MYO5A: variants seen among roughly 807,000 people sequenced by gnomAD.
The protein encoded by MYO5A is unconventional myosin-Va.
In MYO5A, 98 loss-of-function variants were observed where a neutral mutation model predicts 249.7. The ratio of observed to expected loss-of-function variants is 0.39; its 90% confidence interval spans 0.33 to 0.46. The LOEUF is 0.46. MYO5A is among the 20% of genes least tolerant of loss of function. The probability of loss-of-function intolerance (pLI) is 0.98; values close to 1 mark genes in which losing one functional copy is unlikely to be tolerated. For synonymous variants in MYO5A, 778 were observed against 810.6 expected (o/e 0.96, Z 0.68); for missense variants, 1,696 against 2,308.8 (o/e 0.73, Z 5.44).
At chr15:52,513,746 C>A (rs2077443277) in intron 1 of MYO5A, among the ~76,000 whole-genome samples, 1 of 152,128 alleles carries the variant, frequency 6.6e-6, no homozygotes, top group South Asian at 2.1e-4. Context: ...TAAGTTAATT[C>A]TATAGCCAAT....
intron 31 of MYO5A, among the ~76,000 whole-genome samples, chr15:52,340,851 G>C (rs572131754): frequency 6.6e-6 from 1 of 152,014 alleles, no homozygotes; most frequent in Non-Finnish European, 1.5e-5. Flanking sequence ...AGGAGGCTGA[G>C]GCAGGAGAAC....
At position 52,379,706 on chromosome 15, in the gene MYO5A, G is replaced by C. The variant is rs753092034; in HGVS notation, c.2127C>G (p.Arg709=). 6.2e-7 allele frequency: 1 copy of C among 1,614,172 alleles called. No individual in the cohort carries two copies. The highest frequency in any genetic ancestry group is 8.5e-7 in the Non-Finnish European group (1 of 1,180,012). ...CTTTCTGCTTCATTAGGACACGGTA[G>C]CGGCTGAAAAATTCTTGGTAAGTCC... ...SRWTYQEFFS[R]YRVLMKQKDV... The change falls in exon 18 of 42, where the codon CGC becomes CGG. Residue 709 remains arginine, a synonymous_variant. Transcript: ENST00000399233.
At position 52,337,920 on chromosome 15, in the gene MYO5A, C is replaced by T. The variant is rs369198492; in HGVS notation, c.4240-36G>A. 143 of 1,415,508 alleles carry T rather than the reference C, an allele frequency of 1.0e-4. 4 individuals are homozygous for T. Among genetic ancestry groups the T allele is most frequent in the East Asian group, 6.7e-4 (27 of 40,154 alleles). 87.7% of individuals were successfully genotyped at this position (1,415,508 alleles called of 1,614,324 possible). Reference sequence around the variant, plus strand: ...AGGCACAATGGATATTTGTTTTTGTCTGTGTGTTTGAGGGAAATGCTATCT... The same window carrying T: ...AGGCACAATGGATATTTGTTTTTGTTTGTGTGTTTGAGGGAAATGCTATCT... On this transcript the variant is annotated intron_variant, in intron 32 of 41. Transcript: ENST00000399233.
At chr15:52,383,408 T>C (rs758204024) in intron 15 of MYO5A, among the ~76,000 whole-genome samples, 5 of 152,222 alleles carry the variant, frequency 3.3e-5, no homozygotes, top group Non-Finnish European at 5.9e-5. Context: ...CTCTGCTAAA[T>C]ATAGATTCCT....
rs1567036682 is a variant in MYO5A, at chr15:52,343,165, T to C, written c.3992A>G (p.Glu1331Gly). 1.2e-6 allele frequency: 2 copies of C among 1,613,850 alleles called. No individual in the cohort carries two copies. Among genetic ancestry groups the C allele is most frequent in the Non-Finnish European group, 1.7e-6 (2 of 1,179,838 alleles). The stretch of plus-strand genomic sequence containing the variant: ...ATAAACCAGCCACAGCTCTCCATCC[T>C]CATTCAACTCATGGTAATCCAGAGC... Reference protein sequence around the residue: ...SSALDYHELNEDGELWLVYEG... With the variant: ...SSALDYHELNGDGELWLVYEG... Residue 1331 changes from glutamate (E) to glycine (G), a missense_variant, in exon 31 of 42, where the codon GAG becomes GGG. Glu to Gly is a moderately conservative substitution (Grantham distance 98, BLOSUM62 -2). Transcript: ENST00000399233.
rs528344214 is a variant in MYO5A at position 52,403,384 on chromosome 15, G to A, written c.1053+1903C>T. On this transcript the variant is annotated intron_variant, in intron 9 of 41. Transcript: ENST00000399233. ...CCATATAATGGACTATTATTCAGCC[G>A]TAAAAAAGAATAAAGTATTGACACG... Among the ~76,000 whole-genome samples the A allele has an allele frequency of 1.1e-4, 16 of 152,244 alleles. 1 individual carries two copies. The South Asian group carries it at 1.5e-3, about 14-fold the overall frequency.
chr15:52,482,963 CAT>C (rs1441178461), intron 1 of MYO5A, among the ~76,000 whole-genome samples: 8 of 152,258 alleles, frequency 5.3e-5, no homozygotes, highest in African/African-American at 1.9e-4. Context: ...GCAGGGCACA[CAT>C]ATGAATACAG....
chr15:52,410,797 C>G (rs887954238), intron 5 of MYO5A, among the ~76,000 whole-genome samples: 10 of 151,994 alleles, frequency 6.6e-5, no homozygotes, highest in African/African-American at 2.2e-4. Flanking sequence ...AGGCTAGTCT[C>G]GAGCTCCTGA....
chr15:52,339,708 A>G (rs2039291451), intron 32 of MYO5A, among the ~76,000 whole-genome samples: 1 of 152,174 alleles, frequency 6.6e-6, no homozygotes, highest in South Asian at 2.1e-4. Context: ...TCCATCCAAC[A>G]TCAACCAAAA....
chr15:52,476,498 T>C (rs557471991), intron 1 of MYO5A, among the ~76,000 whole-genome samples: 4 of 152,238 alleles, frequency 2.6e-5, no homozygotes, highest in Non-Finnish European at 5.9e-5. Flanking sequence ...CGATGGTCTT[T>C]ACAATTTGGC....
intron 4 of MYO5A, among the ~76,000 whole-genome samples, chr15:52,425,347 GGTTTGTTTGTTT>G (rs111457486): frequency 6.6e-6 from 1 of 151,250 alleles, no homozygotes; most frequent in African/African-American, 2.4e-5. Flanking sequence ...AAATGTGAGG[GGTTTGTTTGTTT>G]GTTTGTTTGT....
At position 52,425,947 on chromosome 15, in the gene MYO5A, T is replaced by C. The variant is rs760727634; in HGVS notation, c.338A>G (p.Tyr113Cys). The part of the protein sequence containing the change: ...CGIVLVAINP[Y>C]EQLPIYGEDI... ...TTCTCCATAAATAGGCAGCTGTTCA[T>C]AGGGATTTATAGCTACTAGGACTAT... The change falls in exon 4 of 42, where the codon TAT becomes TGT. Residue 113 changes from tyrosine to cysteine, a missense_variant. By Grantham distance (194) the Tyr-to-Cys change is radical (BLOSUM62 -2). This residue lies in a region of MYO5A where 197 missense variants were observed against 320.3 expected (regional missense o/e 0.62). Coordinates refer to ENST00000399233, the MANE Select transcript of MYO5A (RefSeq NM_001382347.1). 8 of 1,613,138 alleles carry C rather than the reference T, an allele frequency of 5.0e-6. No individual in the cohort carries two copies. The highest frequency in any genetic ancestry group is 1.7e-5 in the Admixed American group (1 of 60,018).
chr15:52,437,578 G>A lies in MYO5A; in HGVS notation c.28-4293C>T, dbSNP rs181915205. On this transcript the variant is annotated intron_variant, in intron 1 of 41. Coordinates refer to ENST00000399233, the MANE Select transcript of MYO5A (RefSeq NM_001382347.1). ...TCACTGCACTCCAGCCTGGGCAACA[G>A]AGCAAGACTCCATCTCAAAAAAAAA... Among the ~76,000 whole-genome samples, 4 of 118,362 alleles carry A rather than the reference G, an allele frequency of 3.4e-5. No individual in the cohort carries two copies. The East Asian group carries it at 1.0e-3, about 30-fold the overall frequency. 77.7% of individuals were successfully genotyped at this position (118,362 alleles called of 152,430 possible). A position where few individuals can be genotyped will look rare whatever the true frequency, so the allele number is the denominator to read the frequency against.
chr15:52,433,975 T>C (rs904060414), intron 1 of MYO5A, among the ~76,000 whole-genome samples: 15 of 151,576 alleles, frequency 9.9e-5, no homozygotes, highest in African/African-American at 3.6e-4. Context: ...GTTTACAATT[T>C]GGATTTTTTT....
At chr15:52,502,602 T>C (rs1301518012) in intron 1 of MYO5A, among the ~76,000 whole-genome samples, 1 of 152,202 alleles carries the variant, frequency 6.6e-6, no homozygotes, top group Non-Finnish European at 1.5e-5. Context: ...AGGCCAGCCA[T>C]TTCCAAAACT....
intron 1 of MYO5A, among the ~76,000 whole-genome samples, chr15:52,525,430 C>T (rs1432379265): frequency 6.6e-6 from 1 of 152,154 alleles, no homozygotes; most frequent in Non-Finnish European, 1.5e-5. Flanking sequence ...AAAATGGAAG[C>T]CTTGTTAAAT....
At chr15:52,348,864 AAAC>A (rs747843799) in intron 28 of MYO5A, 38 bp from the exon 29 acceptor site, 9 of 1,604,132 alleles carry the variant, frequency 5.6e-6, no homozygotes, top group Non-Finnish European at 6.8e-6. Context: ...AAAACAGAGA[AAAC>A]AATAAACCCT....
chr15:52,386,262 GATCATCAC>G (rs2041969097), intron 14 of MYO5A, among the ~76,000 whole-genome samples: 1 of 151,948 alleles, frequency 6.6e-6, no homozygotes, highest in Non-Finnish European at 1.5e-5. Context: ...TGAGCCCTAT[GATCATCAC>G]ATCACTGCAC....
At chr15:52,321,281 C>T in intron 38 of MYO5A, 78 bp downstream of exon 38, 4 of 1,577,658 alleles carry the variant, frequency 2.5e-6, no homozygotes, top group Non-Finnish European at 2.6e-6. Context: ...TGCCCTGAAA[C>T]ATGTGCCACT....
Sources: gnomAD v4.1 joint callset for allele counts (sites outside exome capture counted in the v4.1 genomes callset) on GRCh38, gnomAD v4.1.1 for gene constraint, gnomAD v4.1.1 regional missense constraint, MANE v1.5 for transcripts, NCBI Gene and HGNC (gene_info 2026-07-23, HGNC 2026-07-21) for gene names.